SOBP: variants seen among roughly 807,000 people sequenced by gnomAD.
SOBP encodes the protein sine oculis-binding protein homolog.
A neutral mutation model predicts 53.6 loss-of-function variants in SOBP; 4 were observed. The observed-to-expected ratio is 0.07, with a 90% confidence interval of 0.04 to 0.17. The LOEUF is 0.17. Ranked by LOEUF, SOBP falls within the 10% of genes least tolerant of loss-of-function variation. The probability of loss-of-function intolerance (pLI) is 1.00; values close to 1 mark genes in which losing one functional copy is unlikely to be tolerated. For missense variants in SOBP, 1,088 were observed against 1,204.7 expected (o/e 0.90, Z 1.43); for synonymous variants, 584 against 522.6 (o/e 1.12, Z -1.60).
At chr6:107,505,800 A>G (rs1282158205) in intron 2 of SOBP, among the ~76,000 whole-genome samples, 1 of 151,566 alleles carries the variant, frequency 6.6e-6, no homozygotes, top group Admixed American at 6.6e-5. Context: ...ACAGGCACAC[A>G]TCACCATGCC....
At chr6:107,603,372 T>C (rs1583261035) in intron 5 of SOBP, among the ~76,000 whole-genome samples, 1 of 152,208 alleles carries the variant, frequency 6.6e-6, no homozygotes, top group East Asian at 1.9e-4. Context: ...TCAGGACAAA[T>C]GTCTCTGCCC....
intron 5 of SOBP, among the ~76,000 whole-genome samples, chr6:107,605,974 C>T (rs1015720704): frequency 6.6e-6 from 1 of 151,958 alleles, no homozygotes; most frequent in Non-Finnish European, 1.5e-5. Context: ...TCAGTGAACT[C>T]CTTATCAATA....
intron 3 of SOBP, among the ~76,000 whole-genome samples, chr6:107,511,949 C>T (rs915664343): frequency 1.3e-5 from 2 of 152,040 alleles, no homozygotes; most frequent in Admixed American, 6.5e-5. Context: ...TTGCTTTCCC[C>T]CTCCCCCGCC....
intron 3 of SOBP, among the ~76,000 whole-genome samples, chr6:107,515,686 T>C (rs917677963): frequency 1.3e-5 from 2 of 151,900 alleles, no homozygotes; most frequent in Non-Finnish European, 2.9e-5. Context: ...GAGGTGGAGG[T>C]TGTAGTGAGC....
At chr6:107,568,315 C>T (rs891502359) in intron 4 of SOBP, among the ~76,000 whole-genome samples, 1 of 152,152 alleles carries the variant, frequency 6.6e-6, no homozygotes, top group African/African-American at 2.4e-5. Context: ...CCTTACAAAA[C>T]ACAATTTTAA....
At chr6:107,513,802 G>A (rs1027521053) in intron 3 of SOBP, among the ~76,000 whole-genome samples, 3 of 151,852 alleles carry the variant, frequency 2.0e-5, no homozygotes, top group Admixed American at 6.6e-5. Flanking sequence ...AGGACAGGAG[G>A]AATTAACGAT....
At chr6:107,503,904 A>G (rs1438948393) in intron 2 of SOBP, 109 bp downstream of exon 2, 1 of 1,325,442 alleles carries the variant, frequency 7.5e-7, no homozygotes, top group Admixed American at 1.7e-5. Flanking sequence ...TGATTATGCC[A>G]ATGGTTGATT....
At chr6:107,559,539 T>C (rs1784715835) in intron 4 of SOBP, among the ~76,000 whole-genome samples, 1 of 152,248 alleles carries the variant, frequency 6.6e-6, no homozygotes, top group Non-Finnish European at 1.5e-5. Flanking sequence ...CACGTTCGCC[T>C]AGTCCTGTCA....
chr6:107,579,701 G>C (rs1785345308), intron 4 of SOBP, among the ~76,000 whole-genome samples: 1 of 152,186 alleles, frequency 6.6e-6, no homozygotes. Context: ...CATTTAAGGA[G>C]ATTCTCATGG....
chr6:107,600,289 C>T (rs2818261), intron 5 of SOBP, among the ~76,000 whole-genome samples: 4,998 of 152,276 alleles, frequency 0.033, 307 homozygotes, highest in African/African-American at 0.11. Flanking sequence ...TACCTCCTTA[C>T]GTGCCGCGCC....
chr6:107,568,952 A>G (rs549885872), intron 4 of SOBP, among the ~76,000 whole-genome samples: 2 of 152,292 alleles, frequency 1.3e-5, no homozygotes, highest in African/African-American at 4.8e-5. Context: ...AATAAAAAAG[A>G]AAGAAAGATC....
chr6:107,567,437 A>G (rs1021347173), intron 4 of SOBP, among the ~76,000 whole-genome samples: 2 of 152,182 alleles, frequency 1.3e-5, no homozygotes, highest in South Asian at 2.1e-4. Flanking sequence ...AGCATCTGCC[A>G]CTTATTTACT....
intron 1 of SOBP, among the ~76,000 whole-genome samples, chr6:107,500,580 G>A (rs1179476341): frequency 6.6e-6 from 1 of 151,170 alleles, no homozygotes. Flanking sequence ...GGAGTGCAGT[G>A]GCGCGATCTC....
chr6:107,638,318 C>G (rs1281205437), intron 6 of SOBP, among the ~76,000 whole-genome samples: 1 of 152,224 alleles, frequency 6.6e-6, no homozygotes, highest in East Asian at 1.9e-4. Context: ...TCAAGTGATT[C>G]TCCTGCCTCA....
At chr6:107,551,180 G>A (rs926562921) in intron 4 of SOBP, among the ~76,000 whole-genome samples, 5 of 152,096 alleles carry the variant, frequency 3.3e-5, no homozygotes, top group African/African-American at 1.2e-4. Context: ...ATCTAGTGGC[G>A]GGGGGTGGTT....
At chr6:107,621,241 A>G in intron 5 of SOBP, 2 of 341,962 alleles carry the variant, frequency 5.8e-6, no homozygotes, top group Non-Finnish European at 8.3e-6. Flanking sequence ...TTAACAGTTC[A>G]GGCATTTGGC....
intron 4 of SOBP, among the ~76,000 whole-genome samples, chr6:107,545,256 A>G (rs1321003900): frequency 2.0e-5 from 3 of 152,216 alleles, no homozygotes; most frequent in Non-Finnish European, 4.4e-5. Flanking sequence ...TAGTTTTGTT[A>G]TATATAGAGA....
At chr6:107,514,580 T>C (rs1204536541) in intron 3 of SOBP, 2 of 152,180 alleles carry the variant, frequency 1.3e-5, no homozygotes, top group Non-Finnish European at 2.9e-5. Flanking sequence ...AAATGTATAA[T>C]TTGAATGGTA....
chr6:107,580,442 G>A (rs1785366627), intron 4 of SOBP, among the ~76,000 whole-genome samples: 2 of 152,156 alleles, frequency 1.3e-5, no homozygotes, highest in African/African-American at 4.8e-5. Flanking sequence ...GAATCCATTC[G>A]ACATATATTT....
Sources: allele counts gnomAD v4.1 joint callset (sites outside exome capture counted in the v4.1 genomes callset), GRCh38; gene constraint gnomAD v4.1.1; transcripts MANE v1.5; gene names NCBI Gene and HGNC (gene_info 2026-07-23, HGNC 2026-07-21).